Variants in FMN2 observed in about 807,000 individuals in gnomAD.
The protein encoded by FMN2 is formin-2.
Under a neutral mutation model 142.3 loss-of-function variants are expected in FMN2, and 51 were observed. The ratio of observed to expected loss-of-function variants is 0.36; its 90% CI spans 0.29 to 0.45. The LOEUF is 0.45. Among genes scored for constraint, FMN2 ranks in the 20% least tolerant of loss-of-function variants. The pLI is 1.00. For missense variants in FMN2, 1,936 were observed against 2,122.8 expected, an observed-to-expected ratio of 0.91 and a Z score of 1.73; for synonymous variants, 882 against 869.8, an observed-to-expected ratio of 1.01 and a Z score of -0.25.
chr1:240,357,206 G>A (rs1232735320), intron 14 of FMN2, among the ~76,000 whole-genome samples: 1 of 152,114 alleles, frequency 6.6e-6, no homozygotes, highest in Non-Finnish European at 1.5e-5. Context: ...AAGAAGAAAG[G>A]AATCCTTAAT....
intron 13 of FMN2, among the ~76,000 whole-genome samples, chr1:240,354,142 G>A (rs1334408386): frequency 6.6e-6 from 1 of 152,080 alleles, no homozygotes; most frequent in Non-Finnish European, 1.5e-5. Context: ...GGTCTCTTCT[G>A]GATGGCTTTT....
At chr1:240,156,625 G>T (rs1213042215) in intron 2 of FMN2, among the ~76,000 whole-genome samples, 3 of 152,180 alleles carry the variant, frequency 2.0e-5, no homozygotes, top group Non-Finnish European at 4.4e-5. Flanking sequence ...AGTTAGAGCA[G>T]GCTAAGGTGG....
At chr1:240,259,300 T>C (rs1668546643) in intron 7 of FMN2, among the ~76,000 whole-genome samples, 1 of 151,928 alleles carries the variant, frequency 6.6e-6, no homozygotes, top group African/African-American at 2.4e-5. Flanking sequence ...TGAACAAGAG[T>C]CCGCCTGACA....
At chr1:240,131,733 T>C (rs1662746760) in intron 2 of FMN2, among the ~76,000 whole-genome samples, 2 of 151,974 alleles carry the variant, frequency 1.3e-5, no homozygotes. Flanking sequence ...AAAGTCTGTA[T>C]ACTGGGCAGC....
At chr1:240,156,988 T>C (rs1664050736) in intron 2 of FMN2, among the ~76,000 whole-genome samples, 1 of 152,192 alleles carries the variant, frequency 6.6e-6, no homozygotes, top group Admixed American at 6.5e-5. Context: ...AATTATTCAA[T>C]TTAAATGGAT....
At chr1:240,121,927 G>C (rs1662276881) in intron 1 of FMN2, among the ~76,000 whole-genome samples, 1 of 151,134 alleles carries the variant, frequency 6.6e-6, no homozygotes, top group Non-Finnish European at 1.5e-5. Flanking sequence ...TTCATTCTCT[G>C]TCCCCGCCAT....
chr1:240,237,586 G>A (rs926883732), intron 6 of FMN2, among the ~76,000 whole-genome samples: 4 of 152,178 alleles, frequency 2.6e-5, no homozygotes, highest in Non-Finnish European at 5.9e-5. Context: ...AATGGGACAC[G>A]TCTTCCTCTC....
chr1:240,221,386 C>T (rs921489193), intron 6 of FMN2, among the ~76,000 whole-genome samples: 4 of 152,124 alleles, frequency 2.6e-5, no homozygotes, highest in Non-Finnish European at 4.4e-5. Flanking sequence ...TCTGTTATTT[C>T]CCAACTTTTT....
intron 15 of FMN2, among the ~76,000 whole-genome samples, chr1:240,393,954 C>T (rs1673692991): frequency 6.6e-6 from 1 of 152,104 alleles, no homozygotes; most frequent in African/African-American, 2.4e-5. Context: ...TTGGGTGCTG[C>T]AGCCGAGGCG....
intron 15 of FMN2, among the ~76,000 whole-genome samples, chr1:240,396,129 T>G (rs1254527642): frequency 6.6e-6 from 1 of 152,236 alleles, no homozygotes; most frequent in African/African-American, 2.4e-5. Flanking sequence ...GCTAATAAAG[T>G]ATGCATTTTG....
chr1:240,378,719 C>T (rs1673130567), intron 14 of FMN2, among the ~76,000 whole-genome samples: 1 of 152,152 alleles, frequency 6.6e-6, no homozygotes, highest in Non-Finnish European at 1.5e-5. Flanking sequence ...TTGTTATTTT[C>T]CTCTGCAGTG....
chr1:240,391,379 A>G (rs915146451), intron 14 of FMN2, among the ~76,000 whole-genome samples: 5 of 152,162 alleles, frequency 3.3e-5, no homozygotes, highest in Non-Finnish European at 7.3e-5. Flanking sequence ...GTAAGTAGTG[A>G]TAAAGACACT....
At chr1:240,388,227 C>CA (rs761610582) in intron 14 of FMN2, among the ~76,000 whole-genome samples, 356 of 6,078 alleles carry the variant, frequency 0.059, 20 homozygotes, top group Non-Finnish European at 0.065. Flanking sequence ...GTGCTCAAAG[C>CA]AAAAAAAAAA....
intron 1 of FMN2, among the ~76,000 whole-genome samples, chr1:240,118,648 T>C (rs887985345): frequency 1.3e-5 from 2 of 152,096 alleles, no homozygotes; most frequent in Non-Finnish European, 2.9e-5. Flanking sequence ...TAGTGACCAA[T>C]ATGAGGCTGT....
chr1:240,426,287 TG>T (rs200517880), intron 15 of FMN2, among the ~76,000 whole-genome samples: 1,886 of 138,754 alleles, frequency 0.014, 16 homozygotes, highest in Middle Eastern at 0.038. Context: ...GTTCTCGGTT[TG>T]TGGTATGGCC....
chr1:240,329,699 G>A (rs963910742), intron 10 of FMN2, among the ~76,000 whole-genome samples: 7 of 152,114 alleles, frequency 4.6e-5, no homozygotes, highest in Admixed American at 3.9e-4. Flanking sequence ...AATACATGTT[G>A]GCCTCCAGAG....
chr1:240,370,950 T>G (rs544242486), intron 14 of FMN2, among the ~76,000 whole-genome samples: 12 of 152,304 alleles, frequency 7.9e-5, no homozygotes, highest in African/African-American at 2.9e-4. Flanking sequence ...GTTTATTTAT[T>G]TTTGGGAGAA....
At chr1:240,403,915 T>C (rs936327019) in intron 15 of FMN2, among the ~76,000 whole-genome samples, 1 of 152,142 alleles carries the variant, frequency 6.6e-6, no homozygotes, top group Non-Finnish European at 1.5e-5. Context: ...CAACCAGTAA[T>C]AAAAGGCAAG....
At chr1:240,339,822 ATAATT>A (rs1671689402) in intron 13 of FMN2, among the ~76,000 whole-genome samples, 1 of 151,952 alleles carries the variant, frequency 6.6e-6, no homozygotes, top group African/African-American at 2.4e-5. Flanking sequence ...CTATACTAGG[ATAATT>A]TAATTTTATT....
Sources: gnomAD v4.1 joint callset for allele counts (sites outside exome capture counted in the v4.1 genomes callset) on GRCh38, gnomAD v4.1.1 for gene constraint, MANE v1.5 for transcripts, NCBI Gene and HGNC (gene_info 2026-07-23, HGNC 2026-07-21) for gene names.